Variants in ZNF821 observed in about 807,000 individuals in gnomAD.
The protein encoded by ZNF821 is zinc finger protein 821.
Under a neutral mutation model 44.3 loss-of-function variants are expected in ZNF821, and 16 were observed. That is an observed-to-expected ratio of 0.36 (90% confidence interval 0.24 to 0.55). ZNF821 has a LOEUF of 0.55. Among genes scored for constraint, ZNF821 ranks in the 20% least tolerant of loss-of-function variants. ZNF821 has a pLI of 0.86. For missense variants in ZNF821, 436 were observed against 547.6 expected (o/e 0.80, Z 2.03); for synonymous variants, 204 against 197.6 (o/e 1.03, Z -0.27).
intron 2 of ZNF821, among the ~76,000 whole-genome samples, chr16:71,882,934 A>G (rs373682207): frequency 2.0e-5 from 3 of 152,170 alleles, no homozygotes; most frequent in Non-Finnish European, 4.4e-5. Context: ...AAACCAAACC[A>G]AACCAAAAAT....
chr16:71,872,305 C>T (rs1018619726), intron 3 of ZNF821, among the ~76,000 whole-genome samples: 4 of 151,846 alleles, frequency 2.6e-5, no homozygotes, highest in Admixed American at 6.6e-5. Flanking sequence ...AGTAAAGCAG[C>T]TGGAACATTC....
At position 71,884,157 on chromosome 16, in the gene ZNF821, G is replaced by C. The variant is rs920265219; in HGVS notation, c.-390C>G. 6.6e-6 allele frequency: 1 copy of C among 152,120 alleles called. No homozygotes were observed. The highest frequency in any genetic ancestry group is 2.4e-5 in the African/African-American group (1 of 41,424). 9.4% of individuals were successfully genotyped at this position (152,120 alleles called of 1,614,324 possible). A position where few individuals can be genotyped will look rare whatever the true frequency, so the allele number is the denominator to read the frequency against. ...GAGGGGGAAAAAGATGGCGACGCGG[G>C]CGGCGGGAGCGCGCGGCTCGCGCAC... is the stretch of plus-strand genomic sequence containing the variant. On this transcript the variant is annotated 5_prime_UTR_variant, in exon 1 of 8. Coordinates refer to ENST00000425432, the MANE Select transcript of ZNF821 (RefSeq NM_001201552.2).
upstream of ZNF821, among the ~76,000 whole-genome samples, chr16:71,887,937 C>T (rs930242103): frequency 6.6e-6 from 1 of 151,208 alleles, no homozygotes; most frequent in African/African-American, 2.4e-5. Context: ...TCACAGCTCA[C>T]TGCAGCATTG....
chr16:71,879,975 T>C lies in ZNF821; in HGVS notation c.-29A>G. On this transcript the variant is annotated 5_prime_UTR_variant, in exon 3 of 8. Transcript: ENST00000425432. The stretch of plus-strand genomic sequence containing the variant: ...TCCCTGATGCAAGAGCTCTGGTCTT[T>C]CCCAGTTTCACGACTGGATATGTTA... 1.9e-6 allele frequency: 3 copies of C among 1,609,782 alleles called. No homozygotes were observed. The highest frequency in any genetic ancestry group is 1.7e-6 in the Non-Finnish European group (2 of 1,178,142).
intron 2 of ZNF821, chr16:71,882,990 G>A (rs988162183): frequency 2.7e-6 from 1 of 366,964 alleles, no homozygotes; most frequent in African/African-American, 2.1e-5. Context: ...ACAGGTAAAC[G>A]GTGAGATTCA....
chr16:71,889,545 T>A (rs2036874715), upstream of ZNF821, among the ~76,000 whole-genome samples: 1 of 152,040 alleles, frequency 6.6e-6, no homozygotes, highest in Non-Finnish European at 1.5e-5. Context: ...TGGTGGTGCA[T>A]GCCTGTAAAT....
At chr16:71,880,175 T>C in intron 2 of ZNF821, 152 bp from the exon 3 acceptor site, 1 of 411,994 alleles carries the variant, frequency 2.4e-6, no homozygotes, top group African/African-American at 2.1e-5. Context: ...AAGAAATGAA[T>C]AAATCTCTAG....
At chr16:71,864,011 T>C in intron 6 of ZNF821, 127 bp downstream of exon 6, 1 of 827,398 alleles carries the variant, frequency 1.2e-6, no homozygotes, top group Non-Finnish European at 2.0e-6. Context: ...CTAAGACGAA[T>C]CTTAATAGAA....
intron 5 of ZNF821, 74 bp from the exon 6 acceptor site, chr16:71,864,316 G>T (rs1386743870): frequency 2.2e-6 from 3 of 1,354,454 alleles, no homozygotes; most frequent in Non-Finnish European, 2.1e-6. Context: ...TTTAAACAGG[G>T]TATCCTGTTA....
intron 1 of ZNF821, among the ~76,000 whole-genome samples, chr16:71,891,949 T>C (rs1046710315): frequency 9.5e-5 from 13 of 136,594 alleles, no homozygotes; most frequent in Non-Finnish European, 1.2e-4. Flanking sequence ...TGAGCTGAGA[T>C]TGAGCCACTG....
At position 71,860,475 on chromosome 16, in the gene ZNF821, C is replaced by T. The variant is rs1222846238; in HGVS notation, c.782G>A (p.Arg261His). The T allele has an allele frequency of 3.1e-6, 5 of 1,614,090 alleles. No individual in the cohort carries two copies. Among genetic ancestry groups the T allele is most frequent in the African/African-American group, 1.3e-5 (1 of 74,932 alleles). The change falls in exon 8 of 8, where the codon CGT becomes CAT. Residue 261 changes from arginine to histidine, a missense_variant. Physicochemically the swap from Arg to His is conservative, Grantham distance 29. This residue lies in a region of ZNF821 where 68 missense variants were observed against 57.0 expected (regional missense o/e 1.19). Coordinates refer to ENST00000425432, the MANE Select transcript of ZNF821 (RefSeq NM_001201552.2). The surrounding 1 kb of genome is among the most constrained non-coding windows in gnomAD (Gnocchi z 7.3). ...TACTTCCAAAGGCTCATTCTGTCGACGTAGAGCCCACTTGCGTACACTGGG... is the reference window on the plus strand; with the variant it reads ...TACTTCCAAAGGCTCATTCTGTCGATGTAGAGCCCACTTGCGTACACTGGG... ...QTPSVRKWAL[R>H]RQNEPLEVRL...
At chr16:71,863,480 A>G (rs2034164922) in intron 6 of ZNF821, among the ~76,000 whole-genome samples, 1 of 141,688 alleles carries the variant, frequency 7.1e-6, no homozygotes, top group African/African-American at 2.7e-5. Flanking sequence ...TCAACCTCCT[A>G]GGCTCAAGCT....
At chr16:71,888,451 T>C (rs2036870054), upstream of ZNF821, among the ~76,000 whole-genome samples, 1 of 152,094 alleles carries the variant, frequency 6.6e-6, no homozygotes, top group Admixed American at 6.6e-5. Context: ...GCATATGGTG[T>C]GAGGCCGGGG....
chr16:71,894,714 TTTG>T, intron 1 of ZNF821: 4 of 580,660 alleles, frequency 6.9e-6, no homozygotes, highest in South Asian at 2.4e-5. Flanking sequence ...TTTTTTTTTT[TTTG>T]TAGCGATGCG....
intron 3 of ZNF821, among the ~76,000 whole-genome samples, chr16:71,869,161 T>C (rs1688113415): frequency 1.3e-5 from 2 of 152,006 alleles, no homozygotes; most frequent in African/African-American, 4.8e-5. Flanking sequence ...TCAGTCAGAG[T>C]AGAAACTACA....
upstream of ZNF821, among the ~76,000 whole-genome samples, chr16:71,889,651 G>A (rs1050624476): frequency 1.3e-5 from 2 of 152,048 alleles, no homozygotes; most frequent in African/African-American, 4.8e-5. Flanking sequence ...TCCAGCCTAG[G>A]AGACAGAGTG....
intron 7 of ZNF821, 63 bp downstream of exon 7, chr16:71,861,713 A>C: frequency 6.3e-7 from 1 of 1,594,212 alleles, no homozygotes; most frequent in Non-Finnish European, 8.6e-7. Flanking sequence ...CTTTGACTTC[A>C]GAAAGCAGAA....
At chr16:71,890,094 T>G (rs2036877260) in intron 1 of ZNF821, among the ~76,000 whole-genome samples, 1 of 152,230 alleles carries the variant, frequency 6.6e-6, no homozygotes, top group Admixed American at 6.5e-5. Flanking sequence ...TAAGTTAATA[T>G]TTGTATATAG....
rs554012137 is a variant in ZNF821 at position 71,861,012 on chromosome 16, C to T, written c.585-340G>A. 2.4e-4 allele frequency among the ~76,000 whole-genome samples: 37 copies of T among 152,188 alleles called. 1 individual carries two copies. The highest frequency in any genetic ancestry group is 2.0e-3 in the Admixed American group (31 of 15,296). On this transcript the variant is annotated intron_variant, in intron 7 of 7. Coordinates refer to ENST00000425432, the MANE Select transcript of ZNF821 (RefSeq NM_001201552.2). ...CTGGGATTACAGGCGCACGCCACCA[C>T]GCCCGGCTAATTTTTGTATTTTTAG...
Sources: gnomAD v4.1 joint callset for allele counts (sites outside exome capture counted in the v4.1 genomes callset) on GRCh38, gnomAD v4.1.1 for gene constraint, gnomAD v4.1.1 regional missense constraint, Gnocchi (gnomAD v3.1) non-coding constraint, MANE v1.5 for transcripts, NCBI Gene and HGNC (gene_info 2026-07-23, HGNC 2026-07-21) for gene names.